OSBP2: variants seen among roughly 807,000 people sequenced by gnomAD.
OSBP2 encodes oxysterol-binding protein 2.
A neutral mutation model predicts 96.0 loss-of-function variants in OSBP2; 66 were observed. That is an observed-to-expected ratio of 0.69 (90% CI 0.56 to 0.84). The LOEUF is 0.84. Among genes scored for constraint, OSBP2 ranks in the 40% least tolerant of loss-of-function variants. The pLI is 0.00. For missense variants in OSBP2, 1,038 were observed against 1,222.7 expected (o/e 0.85, Z 2.25); for synonymous variants, 525 against 520.9 (o/e 1.01, Z -0.11).
intron 2 of OSBP2, among the ~76,000 whole-genome samples, chr22:30,856,471 C>G (rs1477300462): frequency 6.8e-6 from 1 of 147,772 alleles, no homozygotes; most frequent in Non-Finnish European, 1.5e-5. Context: ...ACTGAAACCT[C>G]TACCTCCCAG....
At chr22:30,717,866 C>T (rs1446794086) in intron 1 of OSBP2, among the ~76,000 whole-genome samples, 1 of 152,148 alleles carries the variant, frequency 6.6e-6, no homozygotes, top group Admixed American at 6.6e-5. Flanking sequence ...TTCTGACAGG[C>T]GAGGGTGGGC....
intron 2 of OSBP2, among the ~76,000 whole-genome samples, chr22:30,849,316 T>G (rs2038932303): frequency 6.6e-6 from 1 of 152,012 alleles, no homozygotes; most frequent in South Asian, 2.1e-4. Flanking sequence ...CAAAATAAAC[T>G]GCTACACTTT....
chr22:30,856,897 G>A (rs1265865180), intron 2 of OSBP2, among the ~76,000 whole-genome samples: 2 of 152,118 alleles, frequency 1.3e-5, no homozygotes, highest in Non-Finnish European at 2.9e-5. Flanking sequence ...AGCGGAGGTG[G>A]CCCAAGCAAG....
At chr22:30,862,759 G>A (rs1000253579) in intron 2 of OSBP2, among the ~76,000 whole-genome samples, 2 of 151,974 alleles carry the variant, frequency 1.3e-5, no homozygotes, top group African/African-American at 4.8e-5. Flanking sequence ...GGATCACAAG[G>A]TCAGGCGTTC....
At chr22:30,841,620 C>A (rs1602343027) in intron 2 of OSBP2, among the ~76,000 whole-genome samples, 1 of 152,126 alleles carries the variant, frequency 6.6e-6, no homozygotes, top group Non-Finnish European at 1.5e-5. Flanking sequence ...TTTCCTGATG[C>A]ATATTAAAGT....
intron 2 of OSBP2, among the ~76,000 whole-genome samples, chr22:30,868,327 GA>G (rs937554699): frequency 6.6e-6 from 1 of 152,244 alleles, no homozygotes; most frequent in Non-Finnish European, 1.5e-5. Context: ...AGGGAGGGAA[GA>G]ATAGCCACTG....
At chr22:30,818,510 C>T (rs981777813) in intron 2 of OSBP2, among the ~76,000 whole-genome samples, 1 of 152,172 alleles carries the variant, frequency 6.6e-6, no homozygotes, top group African/African-American at 2.4e-5. Context: ...GCTTGCGATT[C>T]TTAATGTACT....
At chr22:30,785,839 T>C (rs982381546) in intron 2 of OSBP2, among the ~76,000 whole-genome samples, 4 of 152,162 alleles carry the variant, frequency 2.6e-5, no homozygotes, top group African/African-American at 7.2e-5. Context: ...TCCTGCTCTC[T>C]CTCTCCTGCT....
At chr22:30,884,653 C>T (rs949727753) in intron 3 of OSBP2, among the ~76,000 whole-genome samples, 11 of 152,112 alleles carry the variant, frequency 7.2e-5, no homozygotes, top group South Asian at 4.1e-4. Context: ...CCCTTTCCAC[C>T]GAGCCAGGCC....
chr22:30,747,811 C>T (rs2090023965), intron 2 of OSBP2, among the ~76,000 whole-genome samples: 1 of 152,188 alleles, frequency 6.6e-6, no homozygotes, highest in African/African-American at 2.4e-5. Context: ...TAAGCTGTTC[C>T]TCTCTCTTGA....
At chr22:30,694,463 G>A (rs74322462), upstream of OSBP2, 277,500 of 1,302,622 alleles carry the variant, frequency 0.21, 31,473 homozygotes, top group Non-Finnish European at 0.24. Flanking sequence ...CCTGGGTGGC[G>A]GAGAGCGAAC....
intron 2 of OSBP2, among the ~76,000 whole-genome samples, chr22:30,867,260 C>T (rs1434623803): frequency 1.3e-5 from 2 of 152,182 alleles, no homozygotes; most frequent in Non-Finnish European, 2.9e-5. Flanking sequence ...TGTCAACTGC[C>T]ACATGCTCCC....
rs1188896785 is a variant in OSBP2 at position 30,741,245 on chromosome 22, C to T, written c.729C>T (p.Ile243=). ...AHIDTEDSCG[I]LLTSGARSYH... ...TTGACACGGAGGACTCTTGTGGTAT[C>T]TTGCTGACCAGTGGGGCCAGGAGCT... The change falls in exon 2 of 14, where the codon ATC becomes ATT. Residue 243 remains isoleucine, a synonymous_variant. Coordinates refer to ENST00000332585, the MANE Select transcript of OSBP2 (RefSeq NM_030758.4). 6.2e-7 allele frequency: 1 copy of T among 1,614,134 alleles called. No homozygotes were observed. The highest frequency in any genetic ancestry group is 1.7e-5 in the Admixed American group (1 of 60,032).
intron 1 of OSBP2, among the ~76,000 whole-genome samples, chr22:30,711,631 T>G (rs2089352234): frequency 6.6e-6 from 1 of 150,462 alleles, no homozygotes; most frequent in African/African-American, 2.5e-5. Context: ...TCCGAGCTAC[T>G]CAGGAGGCTG....
intron 2 of OSBP2, among the ~76,000 whole-genome samples, chr22:30,780,490 T>C (rs1311581797): frequency 6.6e-6 from 1 of 152,060 alleles, no homozygotes; most frequent in Non-Finnish European, 1.5e-5. Flanking sequence ...CACTAAACTG[T>C]TTTTTGTTTG....
intron 2 of OSBP2, among the ~76,000 whole-genome samples, chr22:30,783,695 G>A (rs986478387): frequency 6.6e-6 from 1 of 152,150 alleles, no homozygotes; most frequent in Non-Finnish European, 1.5e-5. Flanking sequence ...AAATCTGCCT[G>A]GTCATGTAAA....
intron 2 of OSBP2, among the ~76,000 whole-genome samples, chr22:30,857,968 C>T (rs1377454127): frequency 1.3e-5 from 2 of 152,164 alleles, no homozygotes; most frequent in Non-Finnish European, 2.9e-5. Context: ...GAACACCTGC[C>T]CACTACACTG....
chr22:30,875,041 T>C (rs544520675), intron 3 of OSBP2, among the ~76,000 whole-genome samples: 6 of 152,208 alleles, frequency 3.9e-5, no homozygotes, highest in South Asian at 2.1e-4. Flanking sequence ...TGATGTTTCA[T>C]AGTGGGTCTT....
At chr22:30,822,576 C>CGGG in intron 2 of OSBP2, 1 of 1,515,418 alleles carries the variant, frequency 6.6e-7, no homozygotes, top group Non-Finnish European at 8.8e-7. Context: ...TGCAAGCCCC[C>CGGG]GGGACCCGGC....
Sources: allele counts gnomAD v4.1 joint callset (sites outside exome capture counted in the v4.1 genomes callset), GRCh38; gene constraint gnomAD v4.1.1; transcripts MANE v1.5; gene names NCBI Gene and HGNC (gene_info 2026-07-23, HGNC 2026-07-21).